The following RIPK2 variants were observed in gnomAD, a reference collection of about 807,000 sequenced individuals.
RIPK2 encodes the protein receptor interacting serine/threonine kinase 2, also known as receptor-interacting serine/threonine-protein kinase 2.
In RIPK2, 38 loss-of-function variants were observed where a neutral mutation model predicts 60.9. The observed-to-expected ratio is 0.62, with a 90% confidence interval of 0.48 to 0.82. The LOEUF is 0.82. RIPK2 is among the 40% of genes least tolerant of loss of function. The pLI is 0.00. For synonymous variants in RIPK2, 225 were observed against 223.4 expected (o/e 1.01, Z -0.06); for missense variants, 518 against 647.0 (o/e 0.80, Z 2.16).
chr8:89,783,094 T>C (rs1809527012), intron 7 of RIPK2, among the ~76,000 whole-genome samples: 1 of 152,234 alleles, frequency 6.6e-6, no homozygotes, highest in Non-Finnish European at 1.5e-5. Context: ...AATTTCCTTC[T>C]GAAGTTCCTT....
chr8:89,758,308 T>G, intron 1 of RIPK2, 75 bp downstream of exon 1: 1 of 1,430,696 alleles, frequency 7.0e-7, no homozygotes, highest in Non-Finnish European at 9.3e-7. Context: ...AAGCGGGCTC[T>G]AGAGCCCAAA....
rs200015968 is a variant in RIPK2, at chr8:89,772,654, T to C, written c.692-13T>C. The C allele has an allele frequency of 4.2e-5, 66 of 1,575,110 alleles. No homozygotes were observed. The highest frequency in any genetic ancestry group is 5.5e-5 in the Non-Finnish European group (63 of 1,154,692). ...ATATATTACTAATGAATGCAATCTA[T>C]TTGTTTTGACAGATGTCACCAATCC... On this transcript the variant is annotated splice_polypyrimidine_tract_variant and intron_variant, in intron 5 of 10. Transcript: ENST00000220751.
intron 6 of RIPK2, among the ~76,000 whole-genome samples, chr8:89,778,056 A>G (rs1257642991): frequency 6.6e-6 from 1 of 152,126 alleles, no homozygotes; most frequent in Non-Finnish European, 1.5e-5. Context: ...AAAGTTCACA[A>G]TGAAAGAAAT....
chr8:89,764,744 T>C (rs987351425), intron 2 of RIPK2, among the ~76,000 whole-genome samples: 2 of 152,128 alleles, frequency 1.3e-5, no homozygotes, highest in African/African-American at 4.8e-5. Flanking sequence ...AACAAAAGGC[T>C]AATTTTATAA....
intron 8 of RIPK2, 123 bp downstream of exon 8, chr8:89,784,262 G>T: frequency 1.8e-6 from 1 of 570,236 alleles, no homozygotes; most frequent in Non-Finnish European, 2.9e-6. Flanking sequence ...GGAGCTTTTA[G>T]GATTTGTTTG....
chr8:89,759,882 T>C (rs935856550), intron 1 of RIPK2, among the ~76,000 whole-genome samples: 3 of 152,200 alleles, frequency 2.0e-5, no homozygotes, highest in African/African-American at 7.2e-5. Context: ...TATCTAAGCT[T>C]TGTGCAGTTT....
rs1389449759 is a variant in RIPK2, at chr8:89,790,478, A to T, written c.*62A>T. The T allele has an allele frequency of 8.1e-6, 10 of 1,230,650 alleles. No individual in the cohort carries two copies. In the African/African-American group the frequency reaches 1.5e-4, roughly 19 times the overall value. 76.2% of individuals were successfully genotyped at this position (1,230,650 alleles called of 1,614,324 possible). A position where few individuals can be genotyped will look rare whatever the true frequency, so the allele number is the denominator to read the frequency against. ...GGATATTTATATCTCTGTTGCTTTGACTTTTTTTATATAAAATCCGTGAGT... is the reference window on the plus strand; with the variant it reads ...GGATATTTATATCTCTGTTGCTTTGTCTTTTTTTATATAAAATCCGTGAGT... On this transcript the variant is annotated 3_prime_UTR_variant, in exon 11 of 11. Coordinates refer to ENST00000220751, the MANE Select transcript of RIPK2 (RefSeq NM_003821.6).
intron 2 of RIPK2, among the ~76,000 whole-genome samples, chr8:89,764,071 C>G (rs1809187549): frequency 1.3e-5 from 2 of 152,098 alleles, no homozygotes; most frequent in African/African-American, 4.8e-5. Flanking sequence ...ACAGTGAGCA[C>G]TTCTCTCCCT....
At chr8:89,758,581 G>A (rs1378717902) in intron 1 of RIPK2, among the ~76,000 whole-genome samples, 2 of 152,160 alleles carry the variant, frequency 1.3e-5, no homozygotes, top group Admixed American at 1.3e-4. Context: ...AAATTGATGT[G>A]TGTTTATATA....
Position 89,764,293 on chromosome 8 carries a change from G to A in RIPK2, c.328-1048G>A, listed in dbSNP as rs1406877887. Among the ~76,000 whole-genome samples the A allele has an allele frequency of 2.0e-5, 3 of 151,978 alleles. No individual in the cohort carries two copies. In the East Asian group the frequency reaches 5.8e-4, roughly 29 times the overall value. ...TGGTTTCCTGTATTGCATTATTTAG[G>A]GTGGGATTTATCTTGAAGTGCCCTC... On this transcript the variant is annotated intron_variant, in intron 2 of 10. Transcript: ENST00000220751.
intron 1 of RIPK2, among the ~76,000 whole-genome samples, chr8:89,758,453 C>G (rs1312780632): frequency 6.6e-6 from 1 of 152,204 alleles, no homozygotes; most frequent in Non-Finnish European, 1.5e-5. Flanking sequence ...GCAGCAGTTG[C>G]ATTCCTCCAC....
chr8:89,781,619 C>T (rs1809502580), intron 7 of RIPK2, among the ~76,000 whole-genome samples: 1 of 151,964 alleles, frequency 6.6e-6, no homozygotes, highest in African/African-American at 2.4e-5. Flanking sequence ...ACTTATAGGG[C>T]AAGAATATCA....
At chr8:89,777,451 A>G (rs537078556) in intron 6 of RIPK2, among the ~76,000 whole-genome samples, 313 of 152,352 alleles carry the variant, frequency 2.1e-3, no homozygotes, top group Admixed American at 6.9e-3. Flanking sequence ...TGAACAATGG[A>G]TATAAGTATT....
At chr8:89,759,147 A>G (rs1192482051) in intron 1 of RIPK2, among the ~76,000 whole-genome samples, 2 of 152,242 alleles carry the variant, frequency 1.3e-5, no homozygotes, top group Non-Finnish European at 2.9e-5. Context: ...TTGAACCAAA[A>G]GACTGTTAAA....
At chr8:89,781,313 T>G (rs2130577571) in intron 7 of RIPK2, among the ~76,000 whole-genome samples, 1 of 151,846 alleles carries the variant, frequency 6.6e-6, no homozygotes, top group East Asian at 1.9e-4. Context: ...TAGGTAGTGT[T>G]TTCCAGAAAA....
intron 1 of RIPK2, among the ~76,000 whole-genome samples, chr8:89,759,128 C>T (rs1056893026): frequency 6.6e-6 from 1 of 152,292 alleles, no homozygotes; most frequent in Admixed American, 6.5e-5. Flanking sequence ...CTATTTTTGC[C>T]ACAATAAATT....
intron 6 of RIPK2, among the ~76,000 whole-genome samples, chr8:89,774,202 CA>C (rs1454864633): frequency 9.2e-5 from 14 of 151,950 alleles, no homozygotes; most frequent in Admixed American, 9.2e-4. Context: ...CCTGACAAGT[CA>C]ATAATAGGAC....
At chr8:89,774,430 A>G (rs907733250) in intron 6 of RIPK2, among the ~76,000 whole-genome samples, 1 of 152,214 alleles carries the variant, frequency 6.6e-6, no homozygotes, top group African/African-American at 2.4e-5. Flanking sequence ...CAAAATCCGT[A>G]TACATTGTTG....
intron 6 of RIPK2, among the ~76,000 whole-genome samples, chr8:89,775,728 G>A (rs1301473944): frequency 2.0e-5 from 3 of 151,824 alleles, no homozygotes; most frequent in Admixed American, 2.0e-4. Context: ...TTGTAGATCT[G>A]GTTATAGAAC....
Sources: gnomAD v4.1 joint callset for allele counts (sites outside exome capture counted in the v4.1 genomes callset) on GRCh38, gnomAD v4.1.1 for gene constraint, MANE v1.5 for transcripts, NCBI Gene and HGNC (gene_info 2026-07-23, HGNC 2026-07-21) for gene names.